RAB3C: variants seen among roughly 807,000 people sequenced by gnomAD.
The protein encoded by RAB3C is ras-related protein Rab-3C.
Under a neutral mutation model 26.4 loss-of-function variants are expected in RAB3C, and 17 were observed. The observed-to-expected ratio is 0.64, with a 90% CI of 0.44 to 0.97. The LOEUF (loss-of-function observed/expected upper bound fraction) is 0.97. RAB3C is among the 50% of genes least tolerant of loss of function. The pLI is 0.00. For synonymous variants in RAB3C, 91 were observed against 95.9 expected, an observed-to-expected ratio of 0.95 and a Z score of 0.30; for missense variants, 242 against 281.9, an observed-to-expected ratio of 0.86 and a Z score of 1.01.
At chr5:58,813,589 T>TA (rs2112042910) in intron 3 of RAB3C, among the ~76,000 whole-genome samples, 1 of 35,424 alleles carries the variant, frequency 2.8e-5, no homozygotes, top group African/African-American at 1.3e-4. Context: ...TTTATATTTA[T>TA]ATTTATATAT....
intron 3 of RAB3C, among the ~76,000 whole-genome samples, chr5:58,806,471 A>C (rs1232745693): frequency 2.0e-5 from 3 of 152,188 alleles, no homozygotes; most frequent in African/African-American, 7.2e-5. Flanking sequence ...TGCTCATCAA[A>C]CTGTACTACT....
intron 2 of RAB3C, among the ~76,000 whole-genome samples, chr5:58,629,051 A>AT (rs1561272144): frequency 2.0e-5 from 3 of 149,302 alleles, no homozygotes; most frequent in Non-Finnish European, 4.4e-5. Flanking sequence ...AAAAAAAAAA[A>AT]AAAAGGTGAA....
chr5:58,677,097 G>T (rs1273992827), intron 2 of RAB3C, among the ~76,000 whole-genome samples: 1 of 152,160 alleles, frequency 6.6e-6, no homozygotes, highest in Admixed American at 6.5e-5. Context: ...TTATTCTGTG[G>T]CTTGAGGCAG....
intron 2 of RAB3C, among the ~76,000 whole-genome samples, chr5:58,723,093 C>T (rs1485629423): frequency 6.6e-6 from 1 of 151,746 alleles, no homozygotes; most frequent in Non-Finnish European, 1.5e-5. Context: ...CCTTTGGTCT[C>T]TCTGGTCTAA....
chr5:58,794,262 CTTTCCTTT>C (rs1742594645), intron 3 of RAB3C: 2 of 117,108 alleles, frequency 1.7e-5, no homozygotes, highest in Non-Finnish European at 3.4e-5. Flanking sequence ...TTTTTCTTTT[CTTTCCTTT>C]TTTTTTTGTG....
At chr5:58,602,927 A>G (rs1031068648) in intron 1 of RAB3C, among the ~76,000 whole-genome samples, 20 of 152,120 alleles carry the variant, frequency 1.3e-4, no homozygotes, top group Admixed American at 3.3e-4. Context: ...TTATGCTTTA[A>G]TAAGGTTCTG....
intron 2 of RAB3C, among the ~76,000 whole-genome samples, chr5:58,621,158 C>A (rs1205484822): frequency 1.3e-5 from 2 of 152,152 alleles, no homozygotes; most frequent in African/African-American, 2.4e-5. Flanking sequence ...AGATCCACAT[C>A]ATCTTAGCCT....
intron 2 of RAB3C, among the ~76,000 whole-genome samples, chr5:58,648,421 G>C (rs970774564): frequency 6.6e-5 from 10 of 152,146 alleles, no homozygotes; most frequent in African/African-American, 2.4e-4. Flanking sequence ...ATATGTGATT[G>C]CTTGGGTTTT....
At chr5:58,648,658 A>G (rs1747578133) in intron 2 of RAB3C, among the ~76,000 whole-genome samples, 1 of 152,228 alleles carries the variant, frequency 6.6e-6, no homozygotes, top group South Asian at 2.1e-4. Flanking sequence ...GTCTGAACTT[A>G]GAATTTGCTC....
intron 3 of RAB3C, among the ~76,000 whole-genome samples, chr5:58,756,473 C>T (rs950101112): frequency 6.7e-6 from 1 of 148,384 alleles, no homozygotes; most frequent in African/African-American, 2.5e-5. Flanking sequence ...CATAGCTATA[C>T]GTGTGCCATG....
intron 3 of RAB3C, among the ~76,000 whole-genome samples, chr5:58,816,435 T>C (rs1043875056): frequency 6.6e-6 from 1 of 151,954 alleles, no homozygotes; most frequent in Non-Finnish European, 1.5e-5. Flanking sequence ...TGCTCCTGAG[T>C]GTGTTATTTT....
At chr5:58,799,489 C>G (rs1277949451) in intron 3 of RAB3C, among the ~76,000 whole-genome samples, 1 of 152,176 alleles carries the variant, frequency 6.6e-6, no homozygotes. Flanking sequence ...TCTGACTCTA[C>G]TAACCCCTTC....
intron 3 of RAB3C, among the ~76,000 whole-genome samples, chr5:58,811,344 C>CGT (rs953477395): frequency 4.0e-5 from 6 of 151,294 alleles, no homozygotes; most frequent in East Asian, 2.0e-4. Context: ...TTAGATTTTG[C>CGT]GTGTGTGTGT....
chr5:58,815,798 C>G (rs1332723425), intron 3 of RAB3C: 1 of 152,124 alleles, frequency 6.6e-6, no homozygotes, highest in Non-Finnish European at 1.5e-5. Context: ...GTTGAGGTCT[C>G]TGTCCTCATG....
intron 2 of RAB3C, among the ~76,000 whole-genome samples, chr5:58,710,599 A>AAAATATATATAT (rs369239366): frequency 1.5e-5 from 2 of 135,580 alleles, no homozygotes; most frequent in Non-Finnish European, 3.1e-5. Flanking sequence ...ACTCTGTCTC[A>AAAATATATATAT]AAATAAATAA....
intron 3 of RAB3C, among the ~76,000 whole-genome samples, chr5:58,777,666 T>C (rs1379295220): frequency 6.6e-6 from 1 of 151,432 alleles, no homozygotes; most frequent in East Asian, 2.0e-4. Context: ...TACATATGTA[T>C]ACATGAGCCA....
chr5:58,623,512 A>G (rs914982136), intron 2 of RAB3C, among the ~76,000 whole-genome samples: 1 of 152,224 alleles, frequency 6.6e-6, no homozygotes, highest in Admixed American at 6.5e-5. Context: ...CTAACTTAGC[A>G]TCTGCTTTTC....
intron 4 of RAB3C, among the ~76,000 whole-genome samples, chr5:58,834,780 G>T (rs1743698829): frequency 6.6e-6 from 1 of 152,158 alleles, no homozygotes; most frequent in African/African-American, 2.4e-5. Context: ...GTTGGTTTAG[G>T]TGTGGTCATA....
intron 4 of RAB3C, chr5:58,848,571 C>T (rs989146864): frequency 6.6e-6 from 1 of 152,094 alleles, no homozygotes; most frequent in Non-Finnish European, 1.5e-5. Flanking sequence ...AATAATGGTA[C>T]CTACTAATGG....
Sources: allele counts gnomAD v4.1 joint callset (sites outside exome capture counted in the v4.1 genomes callset), GRCh38; gene constraint gnomAD v4.1.1; transcripts MANE v1.5; gene names NCBI Gene and HGNC (gene_info 2026-07-23, HGNC 2026-07-21).